CDC42EP3: variants seen among roughly 807,000 people sequenced by gnomAD.
The protein encoded by CDC42EP3 is CDC42 effector protein (Rho GTPase binding) 3.
A neutral mutation model predicts 15.5 loss-of-function variants in CDC42EP3; 4 were observed. The ratio of observed to expected loss-of-function variants is 0.26; its 90% CI spans 0.13 to 0.59. The LOEUF (loss-of-function observed/expected upper bound fraction) is 0.59. Ranked by LOEUF, CDC42EP3 falls within the 20% of genes least tolerant of loss-of-function variation. The pLI is 0.89. For missense variants in CDC42EP3, 309 were observed against 311.2 expected, an observed-to-expected ratio of 0.99 and a Z score of 0.05; for synonymous variants, 145 against 130.3, an observed-to-expected ratio of 1.11 and a Z score of -0.77.
At chr2:37,651,913 A>C (rs1665692522) in intron 1 of CDC42EP3, among the ~76,000 whole-genome samples, 1 of 151,918 alleles carries the variant, frequency 6.6e-6, no homozygotes, top group Non-Finnish European at 1.5e-5. Context: ...TGGTGGCTCA[A>C]GCCTGTAATC....
At chr2:37,658,355 G>A (rs1311314200) in intron 1 of CDC42EP3, among the ~76,000 whole-genome samples, 1 of 152,184 alleles carries the variant, frequency 6.6e-6, no homozygotes, top group East Asian at 1.9e-4. Context: ...GCTGTATGCT[G>A]TTGAGCTTGC....
Position 37,643,519 on chromosome 2 carries a change from T to C in CDC42EP3, c.*2304A>G, listed in dbSNP as rs1294482171. The C allele has an allele frequency of 2.6e-5, 4 of 152,176 alleles. No individual in the cohort carries two copies. The highest frequency in any genetic ancestry group is 9.7e-5 in the African/African-American group (4 of 41,436). 9.4% of individuals were successfully genotyped at this position (152,176 alleles called of 1,614,324 possible). On this transcript the variant is annotated 3_prime_UTR_variant, in exon 2 of 2. Transcript: ENST00000295324. ...ATGTGTGATTAATATTTAGAATCTA[T>C]CAAACCCAGTACTGGCAGGGCTGTT...
At chr2:37,654,940 T>C (rs1463870659) in intron 1 of CDC42EP3, among the ~76,000 whole-genome samples, 6 of 152,262 alleles carry the variant, frequency 3.9e-5, no homozygotes, top group African/African-American at 1.4e-4. Flanking sequence ...TGTTAGATTT[T>C]CATTTAAGTT....
intron 1 of CDC42EP3, among the ~76,000 whole-genome samples, chr2:37,662,968 C>G (rs1456020386): frequency 6.6e-6 from 1 of 152,162 alleles, no homozygotes; most frequent in Non-Finnish European, 1.5e-5. Flanking sequence ...AGTTCGTGAC[C>G]AGTCTGGCCA....
chr2:37,663,980 C>T (rs1419816955), intron 1 of CDC42EP3, among the ~76,000 whole-genome samples: 1 of 152,272 alleles, frequency 6.6e-6, no homozygotes, highest in East Asian at 1.9e-4. Flanking sequence ...GGAAACCATC[C>T]TGGCTAAGGC....
At chr2:37,654,998 G>A (rs1665803042) in intron 1 of CDC42EP3, among the ~76,000 whole-genome samples, 1 of 152,222 alleles carries the variant, frequency 6.6e-6, no homozygotes, top group South Asian at 2.1e-4. Flanking sequence ...GAAGCACCCA[G>A]TAACCCGAAG....
chr2:37,664,058 C>T (rs1666174156), intron 1 of CDC42EP3, among the ~76,000 whole-genome samples: 1 of 152,142 alleles, frequency 6.6e-6, no homozygotes, highest in Admixed American at 6.5e-5. Flanking sequence ...CCTGTAGTCC[C>T]AGCTACTTGG....
chr2:37,663,486 G>C (rs1033082026), intron 1 of CDC42EP3, among the ~76,000 whole-genome samples: 1 of 152,232 alleles, frequency 6.6e-6, no homozygotes, highest in East Asian at 1.9e-4. Context: ...AGTTGCCTCA[G>C]TCACTCCCAG....
intron 1 of CDC42EP3, among the ~76,000 whole-genome samples, chr2:37,648,306 C>G (rs989669346): frequency 6.6e-6 from 1 of 152,208 alleles, no homozygotes; most frequent in Non-Finnish European, 1.5e-5. Context: ...AATAAATACT[C>G]CAAGGGCTGG....
chr2:37,653,493 C>T (rs1029940071), intron 1 of CDC42EP3, among the ~76,000 whole-genome samples: 8 of 152,110 alleles, frequency 5.3e-5, no homozygotes, highest in African/African-American at 9.7e-5. Context: ...TGCTTTGCTT[C>T]ATTTCTTACC....
intron 1 of CDC42EP3, among the ~76,000 whole-genome samples, chr2:37,652,196 A>AAAAAG (rs1665708907): frequency 6.7e-6 from 1 of 150,300 alleles, no homozygotes; most frequent in African/African-American, 2.4e-5. Context: ...AAAAAAAAAA[A>AAAAAG]AAAAAGAAAA....
At chr2:37,650,292 T>G in intron 1 of CDC42EP3, among the ~76,000 whole-genome samples, 1 of 152,206 alleles carries the variant, frequency 6.6e-6, no homozygotes, top group Admixed American at 6.5e-5. Context: ...CTGGGCTAAG[T>G]CCATGCAGCT....
At position 37,646,075 on chromosome 2, in the gene CDC42EP3, C is replaced by A. The variant is rs544069972; in HGVS notation, c.513G>T (p.Ser171=). 4 of 1,614,090 alleles carry A rather than the reference C, an allele frequency of 2.5e-6. No individual in the cohort carries two copies. The East Asian group carries it at 8.9e-5, about 36-fold the overall frequency. The change falls in exon 2 of 2, where the codon TCG becomes TCT. Residue 171 remains serine (S), a synonymous_variant. Coordinates refer to ENST00000295324, the MANE Select transcript of CDC42EP3 (RefSeq NM_006449.5). ...GAGATGCAGAACCGCTGGAGCCCCA[C>A]GAGGTGTCTCCCTGGTGGACTGTCC... ...ENGTVHQGDT[S]WGSSGSASQS...
intron 1 of CDC42EP3, among the ~76,000 whole-genome samples, chr2:37,655,418 T>C (rs1665816004): frequency 6.6e-6 from 1 of 152,222 alleles, no homozygotes; most frequent in Admixed American, 6.5e-5. Flanking sequence ...GAAAGATCTC[T>C]TAGAAGCAAA....
intron 1 of CDC42EP3, among the ~76,000 whole-genome samples, chr2:37,650,000 A>G (rs766064419): frequency 1.3e-5 from 2 of 152,148 alleles, no homozygotes; most frequent in Non-Finnish European, 2.9e-5. Context: ...GAAAAAAATA[A>G]TTTGAATTGA....
intron 1 of CDC42EP3, among the ~76,000 whole-genome samples, chr2:37,666,089 T>C (rs1666238669): frequency 1.3e-5 from 2 of 152,232 alleles, no homozygotes; most frequent in South Asian, 4.1e-4. Context: ...TCCTGGTACA[T>C]CCTCATCGCT....
chr2:37,661,861 A>G (rs1572521749), intron 1 of CDC42EP3, among the ~76,000 whole-genome samples: 1 of 152,186 alleles, frequency 6.6e-6, no homozygotes, highest in Admixed American at 6.5e-5. Context: ...ATCTGTTTAT[A>G]TATCAGGCTT....
At chr2:37,669,467 G>A (rs186069187) in intron 1 of CDC42EP3, among the ~76,000 whole-genome samples, 12 of 152,182 alleles carry the variant, frequency 7.9e-5, no homozygotes, top group African/African-American at 2.4e-4. Flanking sequence ...ATCTTGCACC[G>A]CACTTAAATG....
chr2:37,648,321 G>C (rs780445971), intron 1 of CDC42EP3, among the ~76,000 whole-genome samples: 1 of 152,226 alleles, frequency 6.6e-6, no homozygotes, highest in African/African-American at 2.4e-5. Flanking sequence ...GGCTGGGTGG[G>C]TTAGTTGGTG....
Sources: allele counts gnomAD v4.1 joint callset (sites outside exome capture counted in the v4.1 genomes callset), GRCh38; gene constraint gnomAD v4.1.1; transcripts MANE v1.5; gene names NCBI Gene and HGNC (gene_info 2026-07-23, HGNC 2026-07-21).